The following MBTPS2 variants were observed in gnomAD, a reference collection of about 807,000 sequenced individuals.
The protein encoded by MBTPS2 is membrane-bound transcription factor site-2 protease.
A neutral mutation model predicts 35.4 loss-of-function variants in MBTPS2; 2 were observed. The ratio of observed to expected loss-of-function variants is 0.06; its 90% confidence interval spans 0.02 to 0.18. MBTPS2 has a LOEUF of 0.18. MBTPS2 is among the 10% of genes least tolerant of loss of function. MBTPS2 has a pLI of 1.00. For missense variants in MBTPS2, 244 were observed against 386.5 expected (o/e 0.63, Z 3.09); for synonymous variants, 125 against 140.4 (o/e 0.89, Z 0.77).
At chrX:21,881,362 T>G (rs2092959099) in intron 10 of MBTPS2, among the ~76,000 whole-genome samples, 1 of 111,729 alleles carries the variant, frequency 9.0e-6, no homozygotes, top group Non-Finnish European at 1.9e-5. Context: ...AGGAATTATG[T>G]AAATCCCAGG....
Position 21,885,278 on chromosome X carries a change from A to AT in MBTPS2, c.*2624dup, listed in dbSNP as rs1265808574. The AT allele has an allele frequency of 1.3e-6, 1 of 751,637 alleles. No individual in the cohort carries two copies. Among genetic ancestry groups the AT allele is most frequent in the Non-Finnish European group, 1.6e-6 (1 of 636,896 alleles). The allele number at this position is 751,637 out of a possible 1,213,427, so 61.9% of individuals were successfully genotyped here. The stretch of plus-strand genomic sequence containing the variant: ...CCTATGGTATTTATTGAATGTTCAC[A>AT]TACTAATGGTGCACAGGTGTTTTTT... On this transcript the variant is annotated 3_prime_UTR_variant, in exon 11 of 11. Coordinates refer to ENST00000379484, the MANE Select transcript of MBTPS2 (RefSeq NM_015884.4).
rs1267726844 is a variant in MBTPS2 at position 21,878,700 on chromosome X, T to A, written c.1261+8T>A. ...TGCATCTTCACTACACAGGTGAGTA[T>A]TTTTGTGGTAGACCCTTAGAAAATC... On this transcript the variant is annotated splice_region_variant and intron_variant, in intron 9 of 10. Transcript: ENST00000379484. 15 of 1,157,995 alleles carry A rather than the reference T, an allele frequency of 1.3e-5. No individual in the cohort carries two copies. Among genetic ancestry groups the A allele is most frequent in the Non-Finnish European group, 1.7e-5 (14 of 848,027 alleles).
chrX:21,854,364 T>C (rs975264951), intron 5 of MBTPS2, among the ~76,000 whole-genome samples: 5 of 112,092 alleles, frequency 4.5e-5, no homozygotes, highest in Admixed American at 9.5e-5. Context: ...ATTTATTTTG[T>C]CAATAAACAT....
At chrX:21,861,393 C>A (rs981746234) in intron 5 of MBTPS2, among the ~76,000 whole-genome samples, 2 of 111,269 alleles carry the variant, frequency 1.8e-5, no homozygotes, top group East Asian at 2.8e-4. Context: ...CTGTGTATTG[C>A]AGTATTATAT....
rs1382033876 is a variant in MBTPS2, at chrX:21,869,740, C to T, written c.970+62C>T. 5.8e-6 allele frequency: 5 copies of T among 866,271 alleles called. No homozygotes were observed. The Admixed American group carries it at 6.6e-5, about 12-fold the overall frequency. The allele number at this position is 866,271 out of a possible 1,213,427, so 71.4% of individuals were successfully genotyped here. Reference sequence around the variant, plus strand: ...GCACCAGTACCTGCCATTCACTAATCCTTAAACCATGTCTATACATTTATT... The same window carrying T: ...GCACCAGTACCTGCCATTCACTAATTCTTAAACCATGTCTATACATTTATT... On this transcript the variant is annotated intron_variant, in intron 7 of 10. Transcript: ENST00000379484.
chrX:21,849,339 T>C (rs1458913154), intron 3 of MBTPS2, among the ~76,000 whole-genome samples: 1 of 112,176 alleles, frequency 8.9e-6, no homozygotes, highest in Admixed American at 9.5e-5. Flanking sequence ...TTGAATACTT[T>C]AGGAGAAAAC....
chrX:21,880,405 G>A (rs1388855973), intron 9 of MBTPS2, among the ~76,000 whole-genome samples: 1 of 111,308 alleles, frequency 9.0e-6, no homozygotes, highest in East Asian at 2.8e-4. Context: ...TGTCCCTAGT[G>A]GGGGTAATTC....
chrX:21,857,609 A>G, intron 5 of MBTPS2: 1 of 1,194,442 alleles, frequency 8.4e-7, no homozygotes, highest in East Asian at 3.0e-5. Flanking sequence ...CGTGAAAAGG[A>G]GAAGACCCCT....
Position 21,845,285 on chromosome X carries a change from TTCTTCCTCCTCTTCTTCC to T in MBTPS2, c.366_383del (p.Ser131_Ser136del), listed in dbSNP as rs762761040. On this transcript the variant is annotated inframe_deletion, in exon 3 of 11. Coordinates refer to ENST00000379484, the MANE Select transcript of MBTPS2 (RefSeq NM_015884.4). ...TGATGGCTGACTCTCCCTCTTCTTATTCTTCCTCCTCTTCTTCCTCTTCCTCCTCTTCTTCCTCTTCCT... is the reference window on the plus strand; with the variant it reads ...TGATGGCTGACTCTCCCTCTTCTTATTCTTCCTCCTCTTCTTCCTCTTCCT... 200 of 1,203,728 alleles carry T rather than the reference TTCTTCCTCCTCTTCTTCC, an allele frequency of 1.7e-4. 4 individuals are homozygous for T. Among genetic ancestry groups the T allele is most frequent in the East Asian group, 1.0e-3 (34 of 33,765 alleles).
intron 7 of MBTPS2, among the ~76,000 whole-genome samples, chrX:21,875,851 C>T (rs371807352): frequency 8.9e-6 from 1 of 112,009 alleles, no homozygotes; most frequent in South Asian, 3.7e-4. Context: ...TTGAACTGGC[C>T]GTCAACAGTG....
intron 1 of MBTPS2, among the ~76,000 whole-genome samples, chrX:21,840,214 A>C (rs773821498): frequency 1.4e-4 from 16 of 112,772 alleles, no homozygotes; most frequent in Non-Finnish European, 2.8e-4. Context: ...ATTGGAATGA[A>C]TCTAAATCAA....
At chrX:21,862,909 A>AAC (rs2092933713) in intron 5 of MBTPS2, among the ~76,000 whole-genome samples, 2 of 54,198 alleles carry the variant, frequency 3.7e-5, no homozygotes, top group African/African-American at 5.2e-5. Flanking sequence ...AACATATATA[A>AAC]ATATATAAAC....
intron 5 of MBTPS2, among the ~76,000 whole-genome samples, chrX:21,864,576 C>G (rs1209150205): frequency 9.9e-5 from 11 of 111,427 alleles, no homozygotes; most frequent in East Asian, 8.5e-4. Flanking sequence ...AATCCCAACA[C>G]TTTGGGAGGC....
chrX:21,839,678 C>T lies in MBTPS2; in HGVS notation c.-57C>T, dbSNP rs1156905275. 2.3e-5 allele frequency: 26 copies of T among 1,116,130 alleles called. No individual in the cohort carries two copies. Among genetic ancestry groups the T allele is most frequent in the Non-Finnish European group, 3.0e-5 (25 of 827,903 alleles). 92.0% of individuals were successfully genotyped at this position (1,116,130 alleles called of 1,213,427 possible). On this transcript the variant is annotated 5_prime_UTR_variant, in exon 1 of 11. Transcript: ENST00000379484. Reference sequence around the variant, plus strand: ...TAAGGCGCGCGCGGTCAGCTGTTGGCGGTGCAGGGAGGAGGACGCCGGGGC... The same window carrying T: ...TAAGGCGCGCGCGGTCAGCTGTTGGTGGTGCAGGGAGGAGGACGCCGGGGC...
At chrX:21,855,507 C>A (rs181079783) in intron 5 of MBTPS2, among the ~76,000 whole-genome samples, 87 of 110,078 alleles carry the variant, frequency 7.9e-4, no homozygotes, top group Admixed American at 1.4e-3. Flanking sequence ...TCTAGGCTCA[C>A]TGCAACCTCT....
In MBTPS2 at chrX:21,851,530, G is replaced by A. The variant is rs200894692; in HGVS notation, c.460G>A (p.Val154Ile). The change falls in exon 4 of 11, where the codon GTC becomes ATC. Residue 154 changes from valine (V) to isoleucine (I), a missense_variant. Physicochemically the swap from Val to Ile is conservative, Grantham distance 29. Coordinates refer to ENST00000379484, the MANE Select transcript of MBTPS2 (RefSeq NM_015884.4). The part of the protein sequence containing the change: ...QVVVPGINLP[V>I]NQLTYFFTAV... ...ACAGGTTCCTGGTATAAATTTACCCGTCAATCAACTGACCTATTTCTTCAC... is the reference window on the plus strand; with the variant it reads ...ACAGGTTCCTGGTATAAATTTACCCATCAATCAACTGACCTATTTCTTCAC... 27 of 1,203,301 alleles carry A rather than the reference G, an allele frequency of 2.2e-5. No individual in the cohort carries two copies. The African/African-American group carries it at 3.5e-4, about 16-fold the overall frequency.
At chrX:21,879,126 A>G (rs1415769027) in intron 9 of MBTPS2, among the ~76,000 whole-genome samples, 1 of 112,151 alleles carries the variant, frequency 8.9e-6, no homozygotes, top group African/African-American at 3.2e-5. Flanking sequence ...CTGGGCCAGC[A>G]TAATCATTTT....
chrX:21,883,908 A>G lies in MBTPS2; in HGVS notation c.*1253A>G, dbSNP rs1397501528. The G allele has an allele frequency of 4.0e-5, 30 of 754,003 alleles. No individual in the cohort carries two copies. The highest frequency in any genetic ancestry group is 4.4e-5 in the Non-Finnish European group (28 of 639,300). 62.1% of individuals were successfully genotyped at this position (754,003 alleles called of 1,213,427 possible). A position where few individuals can be genotyped will look rare whatever the true frequency, so the allele number is the denominator to read the frequency against. ...GGAGTCAGCAGGCCAGTGTGAAGCT[A>G]TTGGTCCTAGGAGTATATGAGCTTG... On this transcript the variant is annotated 3_prime_UTR_variant, in exon 11 of 11. Transcript: ENST00000379484.
At chrX:21,869,782 A>G (rs914826267) in intron 7 of MBTPS2, 104 bp downstream of exon 7, 18 of 662,684 alleles carry the variant, frequency 2.7e-5, no homozygotes, top group Non-Finnish European at 2.4e-5. Flanking sequence ...TAATCTGTTT[A>G]AAGCAAATCA....
Sources: gnomAD v4.1 joint callset for allele counts (sites outside exome capture counted in the v4.1 genomes callset) on GRCh38, gnomAD v4.1.1 for gene constraint, MANE v1.5 for transcripts, NCBI Gene and HGNC (gene_info 2026-07-23, HGNC 2026-07-21) for gene names.